The following BRINP3 variants were observed in gnomAD, a reference collection of about 807,000 sequenced individuals.
The protein encoded by BRINP3 is BMP/retinoic acid-inducible neural-specific protein 3.
BRINP3 carries 19 observed loss-of-function variants against 71.0 expected under a neutral mutation model. The observed-to-expected ratio is 0.27, with a 90% CI of 0.19 to 0.39. The LOEUF (loss-of-function observed/expected upper bound fraction) is 0.39, where lower values mean the gene tolerates loss of function less well. BRINP3 is among the 10% of genes least tolerant of loss of function. The pLI, the probability that BRINP3 is intolerant of heterozygous loss-of-function variation, is 1.00. For synonymous variants in BRINP3, 380 were observed against 337.7 expected (o/e 1.13, Z -1.37); for missense variants, 959 against 940.8 (o/e 1.02, Z -0.25).
intron 2 of BRINP3, among the ~76,000 whole-genome samples, chr1:190,405,120 A>G (rs181824161): frequency 2.8e-4 from 42 of 152,222 alleles, no homozygotes; most frequent in Middle Eastern, 6.8e-3. Context: ...ATTATTCCAC[A>G]TTTTCTTATT....
chr1:190,357,983 T>C (rs912295625), intron 2 of BRINP3, among the ~76,000 whole-genome samples: 3 of 152,126 alleles, frequency 2.0e-5, no homozygotes, highest in African/African-American at 7.2e-5. Flanking sequence ...CTGGATCCCT[T>C]CCTTACACCT....
chr1:190,122,093 T>C lies in BRINP3; in HGVS notation c.1185-22959A>G, dbSNP rs543834535. On this transcript the variant is annotated intron_variant, in intron 7 of 7. Coordinates refer to ENST00000367462, the MANE Select transcript of BRINP3 (RefSeq NM_199051.3). ...CAACTGCCTGTGAGAACTCCACTTG[T>C]AAGATATACCATCAACTTTAATTTG... 2.0e-5 allele frequency among the ~76,000 whole-genome samples: 3 copies of C among 152,294 alleles called. No homozygotes were observed. The South Asian group carries it at 6.2e-4, about 32-fold the overall frequency.
chr1:190,447,603 GCTCTCT>G (rs377608154), intron 2 of BRINP3, among the ~76,000 whole-genome samples: 4 of 147,028 alleles, frequency 2.7e-5, no homozygotes, highest in South Asian at 4.2e-4. Context: ...TCTCCCTATA[GCTCTCT>G]CTCTCTCTCT....
chr1:190,433,139 C>T (rs1382227230), intron 2 of BRINP3, among the ~76,000 whole-genome samples: 1 of 152,076 alleles, frequency 6.6e-6, no homozygotes, highest in Non-Finnish European at 1.5e-5. Flanking sequence ...GTTTTATGGA[C>T]CCCTGTCCAC....
At chr1:190,173,265 T>C (rs1330613800) in intron 6 of BRINP3, among the ~76,000 whole-genome samples, 1 of 152,162 alleles carries the variant, frequency 6.6e-6, no homozygotes, top group Non-Finnish European at 1.5e-5. Flanking sequence ...GGTGTATACA[T>C]AGCAACCATC....
At position 190,111,039 on chromosome 1, in the gene BRINP3, G is replaced by A. The variant is rs570376661; in HGVS notation, c.1185-11905C>T. Reference sequence around the variant, plus strand: ...AAATACAAAAAGAAATTAGCCGGGCGTGGTGTTGGGCGCCTGTAATCCCAG... The same window carrying A: ...AAATACAAAAAGAAATTAGCCGGGCATGGTGTTGGGCGCCTGTAATCCCAG... On this transcript the variant is annotated intron_variant, in intron 7 of 7. Coordinates refer to ENST00000367462, the MANE Select transcript of BRINP3 (RefSeq NM_199051.3). Among the ~76,000 whole-genome samples, 43 of 151,608 alleles carry A rather than the reference G, an allele frequency of 2.8e-4. 1 individual carries two copies. Among genetic ancestry groups the A allele is most frequent in the Non-Finnish European group, 5.4e-4 (37 of 67,904 alleles).
chr1:190,234,824 G>A (rs1658363654), intron 4 of BRINP3, among the ~76,000 whole-genome samples: 1 of 152,054 alleles, frequency 6.6e-6, no homozygotes, highest in Non-Finnish European at 1.5e-5. Context: ...TATGAGAATT[G>A]TTTGTGTTTG....
intron 6 of BRINP3, among the ~76,000 whole-genome samples, chr1:190,186,573 C>G (rs1039061840): frequency 6.6e-5 from 10 of 152,104 alleles, no homozygotes; most frequent in African/African-American, 2.4e-4. Context: ...CTTCTTGGTA[C>G]TTTCACAGTA....
Position 190,424,166 on chromosome 1 carries a change from A to G in BRINP3, c.236+30489T>C, listed in dbSNP as rs1673554796. ...TAATTCTCCTGCCTCTTTCTACAAA[A>G]GAAAACTTCCTATGTTGTGAGTTCT... On this transcript the variant is annotated intron_variant, in intron 2 of 7. Coordinates refer to ENST00000367462, the MANE Select transcript of BRINP3 (RefSeq NM_199051.3). 2.6e-5 allele frequency among the ~76,000 whole-genome samples: 4 copies of G among 151,738 alleles called. No individual in the cohort carries two copies. In the South Asian group the frequency reaches 8.3e-4, roughly 31 times the overall value.
chr1:190,364,724 A>C (rs929641785), intron 2 of BRINP3, among the ~76,000 whole-genome samples: 6 of 152,130 alleles, frequency 3.9e-5, no homozygotes, highest in African/African-American at 1.4e-4. Flanking sequence ...AATTTCAATA[A>C]AATATAGTTG....
chr1:190,442,174 A>C (rs1476212845), intron 2 of BRINP3, among the ~76,000 whole-genome samples: 1 of 152,176 alleles, frequency 6.6e-6, no homozygotes, highest in Non-Finnish European at 1.5e-5. Context: ...TATTTTAAAA[A>C]TTTGCTTTCA....
intron 2 of BRINP3, among the ~76,000 whole-genome samples, chr1:190,345,325 C>T (rs571998471): frequency 1.3e-3 from 194 of 151,662 alleles, no homozygotes; most frequent in African/African-American, 4.0e-3. Context: ...AATTAAATTC[C>T]AATTTGCCCA....
intron 7 of BRINP3, among the ~76,000 whole-genome samples, chr1:190,157,771 G>A (rs139147709): frequency 2.8e-4 from 42 of 152,116 alleles, no homozygotes; most frequent in Middle Eastern, 3.4e-3. Context: ...CTTATGAGAT[G>A]CATAAAATAA....
chr1:190,436,924 A>G (rs1674502443), intron 2 of BRINP3, among the ~76,000 whole-genome samples: 1 of 151,822 alleles, frequency 6.6e-6, no homozygotes, highest in African/African-American at 2.4e-5. Flanking sequence ...ATTTACTCTC[A>G]ACAAACATAT....
intron 6 of BRINP3, among the ~76,000 whole-genome samples, chr1:190,187,715 T>C (rs1653656856): frequency 6.6e-6 from 1 of 152,136 alleles, no homozygotes; most frequent in Non-Finnish European, 1.5e-5. Flanking sequence ...CAGGACTTTC[T>C]TTTCTATTCA....
At chr1:190,181,972 C>T (rs962524874) in intron 6 of BRINP3, among the ~76,000 whole-genome samples, 4 of 151,916 alleles carry the variant, frequency 2.6e-5, no homozygotes, top group African/African-American at 9.7e-5. Context: ...AAGATTTTTG[C>T]TTGATATTGA....
At chr1:190,420,191 G>T (rs1673281258) in intron 2 of BRINP3, among the ~76,000 whole-genome samples, 1 of 151,930 alleles carries the variant, frequency 6.6e-6, no homozygotes, top group South Asian at 2.1e-4. Context: ...ATTCCACTGA[G>T]TTGATATATT....
chr1:190,341,035 AAG>A (rs1667623253), intron 2 of BRINP3, among the ~76,000 whole-genome samples: 1 of 151,848 alleles, frequency 6.6e-6, no homozygotes, highest in African/African-American at 2.4e-5. Flanking sequence ...GTTAGGGACA[AAG>A]AGAAAAACTA....
At chr1:190,341,002 T>C (rs1483181002) in intron 2 of BRINP3, among the ~76,000 whole-genome samples, 1 of 151,800 alleles carries the variant, frequency 6.6e-6, no homozygotes, top group Non-Finnish European at 1.5e-5. Context: ...TATACTCTGT[T>C]GAGTAGAACT....
Sources: gnomAD v4.1 joint callset for allele counts (sites outside exome capture counted in the v4.1 genomes callset) on GRCh38, gnomAD v4.1.1 for gene constraint, MANE v1.5 for transcripts, NCBI Gene and HGNC (gene_info 2026-07-23, HGNC 2026-07-21) for gene names.